Variants in RRP15 observed in about 807,000 individuals in gnomAD.
RRP15 encodes RRP15-like protein.
Under a neutral mutation model 27.1 loss-of-function variants are expected in RRP15, and 18 were observed. That is an observed-to-expected ratio of 0.66 (90% confidence interval 0.46 to 0.98). The LOEUF is 0.98. Ranked by LOEUF, RRP15 falls within the 50% of genes least tolerant of loss-of-function variation. The pLI is 0.00. For missense variants in RRP15, 359 were observed against 337.8 expected (o/e 1.06, Z -0.49); for synonymous variants, 107 against 109.4 (o/e 0.98, Z 0.14).
At chr1:218,285,705 T>A (rs1035151142) in intron 1 of RRP15, among the ~76,000 whole-genome samples, 2 of 151,932 alleles carry the variant, frequency 1.3e-5, no homozygotes, top group Non-Finnish European at 2.9e-5. Flanking sequence ...TTAATTATAA[T>A]AAAATGGGTG....
intron 1 of RRP15, among the ~76,000 whole-genome samples, chr1:218,294,325 A>C (rs1655688901): frequency 6.6e-6 from 1 of 152,158 alleles, no homozygotes; most frequent in African/African-American, 2.4e-5. Flanking sequence ...CCACAGACTG[A>C]GGGCTCAGCT....
chr1:218,285,343 TGTGA>T lies in RRP15; in HGVS notation c.33_36del (p.Ser11ArgfsTer5). ...TGGCAGCCGCCGCTCCGGACTCACGTGTGAGTGAGGAAGAAAACCTGAAAAAGAC... is the reference window on the plus strand; with the variant it reads ...TGGCAGCCGCCGCTCCGGACTCACGTGTGAGGAAGAAAACCTGAAAAAGAC... On this transcript the variant is annotated frameshift_variant, in exon 1 of 5. Transcript: ENST00000366932. LOFTEE classifies it high-confidence loss of function. The T allele has an allele frequency of 1.9e-6, 3 of 1,613,974 alleles. No homozygotes were observed. The highest frequency in any genetic ancestry group is 2.5e-6 in the Non-Finnish European group (3 of 1,179,984).
rs1229451860 is a variant in RRP15, at chr1:218,333,168, G to A, written c.*2077G>A. Reference sequence around the variant, plus strand: ...AATTATTTTATTCCAAAGAAAAATTGAGTTGCCACTATCAGGAAAAAAAAA... The same window carrying A: ...AATTATTTTATTCCAAAGAAAAATTAAGTTGCCACTATCAGGAAAAAAAAA... On this transcript the variant is annotated 3_prime_UTR_variant, in exon 5 of 5. Coordinates refer to ENST00000366932, the MANE Select transcript of RRP15 (RefSeq NM_016052.4). 1 of 151,836 alleles carries A rather than the reference G, an allele frequency of 6.6e-6. No individual in the cohort carries two copies. The highest frequency in any genetic ancestry group is 2.4e-5 in the African/African-American group (1 of 41,268). 9.4% of individuals were successfully genotyped at this position (151,836 alleles called of 1,614,324 possible).
rs1656378714 is a variant in RRP15, at chr1:218,331,998, ATTTCC to A, written c.*912_*916del. ...CGGCCCAGATTTCAACTTTTATTTTATTTCCTTTCATTTATTAAATAATATAAATA... is the reference window on the plus strand; with the variant it reads ...CGGCCCAGATTTCAACTTTTATTTTATTTCATTTATTAAATAATATAAATA... On this transcript the variant is annotated 3_prime_UTR_variant, in exon 5 of 5. Coordinates refer to ENST00000366932, the MANE Select transcript of RRP15 (RefSeq NM_016052.4). The A allele has an allele frequency of 6.6e-6, 1 of 151,832 alleles. No individual in the cohort carries two copies. Among genetic ancestry groups the A allele is most frequent in the Non-Finnish European group, 1.5e-5 (1 of 67,982 alleles). The allele number at this position is 151,832 out of a possible 1,614,324, so 9.4% of individuals were successfully genotyped here. A position where few individuals can be genotyped will look rare whatever the true frequency, so the allele number is the denominator to read the frequency against.
At chr1:218,319,443 G>A (rs1441752158) in intron 4 of RRP15, among the ~76,000 whole-genome samples, 4 of 152,114 alleles carry the variant, frequency 2.6e-5, no homozygotes, top group African/African-American at 4.8e-5. Flanking sequence ...TATACTTTTT[G>A]TTGCTTAAGT....
chr1:218,309,463 T>C (rs1481603875), intron 4 of RRP15, among the ~76,000 whole-genome samples: 1 of 152,012 alleles, frequency 6.6e-6, no homozygotes, highest in Non-Finnish European at 1.5e-5. Context: ...GGTGGGCGGA[T>C]CACGAGGTCA....
chr1:218,323,966 C>T (rs562083321), intron 4 of RRP15, among the ~76,000 whole-genome samples: 2 of 152,326 alleles, frequency 1.3e-5, no homozygotes, highest in South Asian at 2.1e-4. Context: ...CTCCAGAGTG[C>T]AGCCATACCT....
chr1:218,311,321 A>G (rs767796255), intron 4 of RRP15, among the ~76,000 whole-genome samples: 1 of 152,180 alleles, frequency 6.6e-6, no homozygotes, highest in Admixed American at 6.6e-5. Flanking sequence ...CTGTCCTTCC[A>G]ACATAGTATA....
chr1:218,321,976 A>G lies in RRP15; in HGVS notation c.706-8972A>G, dbSNP rs560802758. ...TTGAAATTATGTCAATCCAGTGTGT[A>G]ATGTAATTTACTCCAAATCTTTTAT... is the stretch of plus-strand genomic sequence containing the variant. On this transcript the variant is annotated intron_variant, in intron 4 of 4. Coordinates refer to ENST00000366932, the MANE Select transcript of RRP15 (RefSeq NM_016052.4). 2.6e-5 allele frequency among the ~76,000 whole-genome samples: 4 copies of G among 152,312 alleles called. No homozygotes were observed. In the East Asian group the frequency reaches 5.8e-4, roughly 22 times the overall value.
In RRP15 at chr1:218,307,582, G is replaced by A. The variant is rs774118043; in HGVS notation, c.655G>A (p.Gly219Arg). The A allele has an allele frequency of 9.3e-6, 15 of 1,613,854 alleles. No individual in the cohort carries two copies. Among genetic ancestry groups the A allele is most frequent in the South Asian group, 2.2e-5 (2 of 91,078 alleles). Residue 219 changes from glycine to arginine, a missense_variant, in exon 4 of 5, where the codon GGA (glycine) becomes AGA (arginine). By Grantham distance (125) the Gly-to-Arg change is moderately radical. Transcript: ENST00000366932. ...DFISVLRGMDGSTNETASSRK... is the reference protein window; with the variant it reads ...DFISVLRGMDRSTNETASSRK... ...CATCAGTGTTTTGAGAGGGATGGAT[G>A]GAAGTACAAATGAGACTGCTTCAAG...
intron 4 of RRP15, among the ~76,000 whole-genome samples, chr1:218,323,863 C>G (rs1029394728): frequency 6.6e-6 from 1 of 152,218 alleles, no homozygotes; most frequent in African/African-American, 2.4e-5. Flanking sequence ...GCTCTGAGAT[C>G]AGAGCGGGCA....
rs771244121 is a variant in RRP15 at position 218,305,109 on chromosome 1, C to A, written c.487C>A (p.Gln163Lys). The change falls in exon 3 of 5, where the codon CAG (glutamine) becomes AAG (lysine). Residue 163 changes from glutamine to lysine, a missense_variant. Gln to Lys is a moderately conservative substitution (Grantham distance 53). Coordinates refer to ENST00000366932, the MANE Select transcript of RRP15 (RefSeq NM_016052.4). ...VQDKETERNL[Q>K]RIATRGVVQL... Reference sequence around the variant, plus strand: ...AGACAAAGAGACAGAGAGAAATCTTCAGAGAATTGCAACAAGGTAAGGTAG... The same window carrying A: ...AGACAAAGAGACAGAGAGAAATCTTAAGAGAATTGCAACAAGGTAAGGTAG... 6.2e-7 allele frequency: 1 copy of A among 1,612,758 alleles called. No homozygotes were observed. Among genetic ancestry groups the A allele is most frequent in the South Asian group, 1.1e-5 (1 of 91,046 alleles).
At position 218,337,814 on chromosome 1, in the gene RRP15, G is replaced by A. The variant is rs2102522311; in HGVS notation, c.*6723G>A. 6.6e-6 allele frequency: 1 copy of A among 152,092 alleles called. No homozygotes were observed. The highest frequency in any genetic ancestry group is 1.9e-4 in the East Asian group (1 of 5,188). The allele number at this position is 152,092 out of a possible 1,614,324, so 9.4% of individuals were successfully genotyped here. The stretch of plus-strand genomic sequence containing the variant: ...TAATAGAGCATTATTGATATTAGCT[G>A]TATTAGATGACTGTATGAAGAGTCC... On this transcript the variant is annotated 3_prime_UTR_variant, in exon 5 of 5. Transcript: ENST00000366932.
chr1:218,329,696 T>A (rs536695497), intron 4 of RRP15, among the ~76,000 whole-genome samples: 121 of 152,324 alleles, frequency 7.9e-4, no homozygotes, highest in Non-Finnish European at 1.5e-3. Flanking sequence ...CTGAAATCTT[T>A]GCTTACATTT....
rs1040107109 is a variant in RRP15, at chr1:218,334,145, A to G, written c.*3054A>G. ...CAATGATAATACCTGATTAGGACTG[A>G]AAATAGAATTATCTTAGTAGTTTAG... On this transcript the variant is annotated 3_prime_UTR_variant, in exon 5 of 5. Transcript: ENST00000366932. The G allele has an allele frequency of 6.6e-6, 1 of 152,190 alleles. No individual in the cohort carries two copies. The highest frequency in any genetic ancestry group is 1.5e-5 in the Non-Finnish European group (1 of 68,030). The allele number at this position is 152,190 out of a possible 1,614,324, so 9.4% of individuals were successfully genotyped here. A position where few individuals can be genotyped will look rare whatever the true frequency, so the allele number is the denominator to read the frequency against.
chr1:218,321,137 T>A (rs879584951), intron 4 of RRP15, among the ~76,000 whole-genome samples: 2 of 152,186 alleles, frequency 1.3e-5, no homozygotes, highest in Non-Finnish European at 2.9e-5. Context: ...CGCTTTGAAA[T>A]GAAAGCTGAT....
chr1:218,315,413 T>C (rs1308011681), intron 4 of RRP15, among the ~76,000 whole-genome samples: 1 of 152,058 alleles, frequency 6.6e-6, no homozygotes, highest in Non-Finnish European at 1.5e-5. Context: ...GGTGGGCCTC[T>C]GGCTATTTTC....
intron 4 of RRP15, among the ~76,000 whole-genome samples, chr1:218,314,990 CAAA>C (rs76826029): frequency 2.4e-4 from 15 of 61,796 alleles, no homozygotes; most frequent in Non-Finnish European, 2.8e-4. Context: ...GGCTCCATCT[CAAA>C]AAAAAAAAAA....
chr1:218,318,875 C>T (rs1656131904), intron 4 of RRP15, among the ~76,000 whole-genome samples: 1 of 151,802 alleles, frequency 6.6e-6, no homozygotes, highest in African/African-American at 2.4e-5. Flanking sequence ...GTGATCCTTG[C>T]CTAAAACAGT....
Sources: allele counts gnomAD v4.1 joint callset (sites outside exome capture counted in the v4.1 genomes callset), GRCh38; gene constraint gnomAD v4.1.1; transcripts MANE v1.5; gene names NCBI Gene and HGNC (gene_info 2026-07-23, HGNC 2026-07-21).